UBXN4: variants seen among roughly 807,000 people sequenced by gnomAD.
The protein encoded by UBXN4 is UBX domain-containing protein 4.
A neutral mutation model predicts 66.2 loss-of-function variants in UBXN4; 35 were observed. The observed-to-expected ratio is 0.53, with a 90% CI of 0.40 to 0.70. The LOEUF is 0.70. Among genes scored for constraint, UBXN4 ranks in the 30% least tolerant of loss-of-function variants. The pLI is 0.00. For missense variants in UBXN4, 533 were observed against 599.8 expected (o/e 0.89, Z 1.16); for synonymous variants, 203 against 204.5 (o/e 0.99, Z 0.06).
chr2:135,768,481 G>A (rs565628737), intron 6 of UBXN4, among the ~76,000 whole-genome samples: 8 of 152,028 alleles, frequency 5.3e-5, no homozygotes, highest in East Asian at 1.9e-4. Context: ...ACAGGCATGA[G>A]CCACCGTGCC....
intron 5 of UBXN4, among the ~76,000 whole-genome samples, chr2:135,758,238 C>A (rs1303988143): frequency 6.6e-6 from 1 of 151,964 alleles, no homozygotes; most frequent in East Asian, 1.9e-4. Context: ...CCATGCCTGG[C>A]TAATTTTGTA....
rs1419818076 is a variant in UBXN4, at chr2:135,745,875, C to CCTTTTTT, written c.83-2392_83-2391insCTTTTTT. On this transcript the variant is annotated intron_variant, in intron 1 of 12. Coordinates refer to ENST00000272638, the MANE Select transcript of UBXN4 (RefSeq NM_014607.4). ...TGTGGATGCATTCTAGTCCCGTTTA[C>CCTTTTTT]TTTTTTTTTTTTTTTTTTTTTGAGA... Among the ~76,000 whole-genome samples, 2 of 74,406 alleles carry CCTTTTTT rather than the reference C, an allele frequency of 2.7e-5. 1 individual carries two copies. Among genetic ancestry groups the CCTTTTTT allele is most frequent in the African/African-American group, 1.0e-4 (2 of 19,496 alleles). 48.8% of individuals were successfully genotyped at this position (74,406 alleles called of 152,430 possible).
intron 6 of UBXN4, among the ~76,000 whole-genome samples, chr2:135,763,540 A>G (rs552083789): frequency 6.6e-6 from 1 of 152,334 alleles, no homozygotes; most frequent in Non-Finnish European, 1.5e-5. Flanking sequence ...AAAATTTGGC[A>G]GGGGCTGTGA....
intron 1 of UBXN4, among the ~76,000 whole-genome samples, chr2:135,743,040 A>G (rs2077186972): frequency 6.6e-6 from 1 of 152,196 alleles, no homozygotes; most frequent in South Asian, 2.1e-4. Context: ...CATTACATGG[A>G]CCAAATCAAT....
At chr2:135,747,837 T>A (rs990483806) in intron 1 of UBXN4, 39 of 358,270 alleles carry the variant, frequency 1.1e-4, no homozygotes, top group Admixed American at 4.7e-4. Flanking sequence ...GCCAGTCTGG[T>A]CTCGAATTCC....
In UBXN4 at chr2:135,780,173, T is replaced by A; in HGVS notation, c.1186-10T>A. On this transcript the variant is annotated splice_polypyrimidine_tract_variant and intron_variant, in intron 11 of 12. Coordinates refer to ENST00000272638, the MANE Select transcript of UBXN4 (RefSeq NM_014607.4). The stretch of plus-strand genomic sequence containing the variant: ...GTAGTCTTTATCTAGGTTTGTTTAT[T>A]AATTTCTAGGCAGGAAGACCAACTG... 6.2e-7 allele frequency: 1 copy of A among 1,613,936 alleles called. No individual in the cohort carries two copies. The highest frequency in any genetic ancestry group is 8.5e-7 in the Non-Finnish European group (1 of 1,179,892).
At chr2:135,759,845 T>C (rs2077304708) in intron 5 of UBXN4, among the ~76,000 whole-genome samples, 1 of 139,278 alleles carries the variant, frequency 7.2e-6, no homozygotes, top group Non-Finnish European at 1.5e-5. Flanking sequence ...CTTGGCTCAC[T>C]GCAGCCTCCA....
chr2:135,751,520 A>G (rs907669551), intron 2 of UBXN4, among the ~76,000 whole-genome samples: 16 of 151,094 alleles, frequency 1.1e-4, no homozygotes, highest in African/African-American at 3.9e-4. Flanking sequence ...AGATGCAGGG[A>G]TACCTGCATA....
intron 6 of UBXN4, among the ~76,000 whole-genome samples, chr2:135,766,469 A>G (rs1427938648): frequency 6.6e-6 from 1 of 152,150 alleles, no homozygotes; most frequent in East Asian, 1.9e-4. Context: ...CCCTTGATTC[A>G]AGATCCAGTC....
intron 5 of UBXN4, among the ~76,000 whole-genome samples, chr2:135,757,545 C>A (rs917895200): frequency 6.6e-6 from 1 of 152,164 alleles, no homozygotes; most frequent in Non-Finnish European, 1.5e-5. Flanking sequence ...TGAGGATTGG[C>A]TTGTGTTGAT....
intron 6 of UBXN4, among the ~76,000 whole-genome samples, chr2:135,768,348 G>A (rs1397859011): frequency 7.0e-6 from 1 of 143,378 alleles, no homozygotes; most frequent in African/African-American, 2.6e-5. Context: ...ACAGGCGCAT[G>A]CCACCACACC....
intron 6 of UBXN4, among the ~76,000 whole-genome samples, chr2:135,762,524 T>A (rs977298086): frequency 2.0e-5 from 3 of 152,206 alleles, no homozygotes; most frequent in African/African-American, 4.8e-5. Context: ...CATTTAAAAA[T>A]TTTTTTAAAA....
chr2:135,755,462 A>G, intron 4 of UBXN4, 55 bp from the exon 5 acceptor site: 5 of 1,400,136 alleles, frequency 3.6e-6, no homozygotes, highest in Non-Finnish European at 3.8e-6. Flanking sequence ...CTCTACTGCC[A>G]TGGTAAGTTT....
At chr2:135,755,144 T>G (rs910139402) in intron 4 of UBXN4, among the ~76,000 whole-genome samples, 3 of 152,216 alleles carry the variant, frequency 2.0e-5, no homozygotes, top group African/African-American at 7.2e-5. Flanking sequence ...AAAGAGAAAG[T>G]TGCTGTCATA....
chr2:135,771,474 T>A (rs1303426003), intron 8 of UBXN4, among the ~76,000 whole-genome samples: 1 of 151,652 alleles, frequency 6.6e-6, no homozygotes, highest in Non-Finnish European at 1.5e-5. Context: ...CGAAACTCCA[T>A]CTCAAAAAAA....
At chr2:135,744,993 C>G (rs972317483) in intron 1 of UBXN4, among the ~76,000 whole-genome samples, 4 of 152,124 alleles carry the variant, frequency 2.6e-5, no homozygotes, top group African/African-American at 9.7e-5. Flanking sequence ...TCACATGGTA[C>G]AGTATAGGTG....
At position 135,783,694 on chromosome 2, in the gene UBXN4, A is replaced by T. The variant is rs1341592689; in HGVS notation, c.*807A>T. 1 of 152,212 alleles carries T rather than the reference A, an allele frequency of 6.6e-6. No homozygotes were observed. Among genetic ancestry groups the T allele is most frequent in the African/African-American group, 2.4e-5 (1 of 41,468 alleles). 9.4% of individuals were successfully genotyped at this position (152,212 alleles called of 1,614,324 possible). A position where few individuals can be genotyped will look rare whatever the true frequency, so the allele number is the denominator to read the frequency against. The stretch of plus-strand genomic sequence containing the variant: ...TCTTGTGAGATGCAAAACAGCTGCT[A>T]GTCTGCAACCTAGTTTTCCCTCTCA... On this transcript the variant is annotated 3_prime_UTR_variant, in exon 13 of 13. Coordinates refer to ENST00000272638, the MANE Select transcript of UBXN4 (RefSeq NM_014607.4).
At chr2:135,750,551 C>T (rs2105492767) in intron 2 of UBXN4, among the ~76,000 whole-genome samples, 1 of 152,078 alleles carries the variant, frequency 6.6e-6, no homozygotes, top group African/African-American at 2.4e-5. Flanking sequence ...AGAAATTTGC[C>T]TATAAGTTTG....
chr2:135,754,053 A>T lies in UBXN4; in HGVS notation c.215-106A>T, dbSNP rs781335344. On this transcript the variant is annotated intron_variant, in intron 3 of 12. Coordinates refer to ENST00000272638, the MANE Select transcript of UBXN4 (RefSeq NM_014607.4). ...AATTATTTAATAAATGTTAGATTAT[A>T]TTGTGAAAATCACAAAGATCATTTG... is the stretch of plus-strand genomic sequence containing the variant. 1.6e-5 allele frequency: 13 copies of T among 794,262 alleles called. No homozygotes were observed. The South Asian group carries it at 2.2e-4, about 14-fold the overall frequency. The allele number at this position is 794,262 out of a possible 1,614,324, so 49.2% of individuals were successfully genotyped here.
Sources: allele counts gnomAD v4.1 joint callset (sites outside exome capture counted in the v4.1 genomes callset), GRCh38; gene constraint gnomAD v4.1.1; transcripts MANE v1.5; gene names NCBI Gene and HGNC (gene_info 2026-07-23, HGNC 2026-07-21).